The following TFAP2C variants were observed in gnomAD, a reference collection of about 807,000 sequenced individuals.
The protein encoded by TFAP2C is transcription factor AP-2 gamma.
TFAP2C carries 9 observed loss-of-function variants against 42.9 expected under a neutral mutation model. The observed-to-expected ratio is 0.21, with a 90% CI of 0.13 to 0.37. The LOEUF (loss-of-function observed/expected upper bound fraction) is 0.37. Among genes scored for constraint, TFAP2C ranks in the 10% least tolerant of loss-of-function variants. TFAP2C has a pLI of 1.00. For missense variants in TFAP2C, 462 were observed against 591.7 expected (o/e 0.78, Z 2.27); for synonymous variants, 264 against 256.0 (o/e 1.03, Z -0.30).
intron 3 of TFAP2C, 42 bp from the exon 4 acceptor site, chr20:56,633,309 CAG>C (rs1987529170): frequency 6.6e-7 from 1 of 1,521,506 alleles, no homozygotes. Flanking sequence ...CTCTTTTGCT[CAG>C]AGAGAGCTCT....
chr20:56,630,805 C>G lies in TFAP2C; in HGVS notation c.49-400C>G. On this transcript the variant is annotated intron_variant, in intron 1 of 6. Transcript: ENST00000201031. The surrounding 1 kb of genome is among the most constrained non-coding windows in gnomAD (Gnocchi z 5.1). ...GTCCCTGCGTCATGGGCGGGCTCCA[C>G]GAGATAGCTCTGCACCGGGCGTCCG... 2.0e-6 allele frequency: 2 copies of G among 985,414 alleles called. No individual in the cohort carries two copies. Among genetic ancestry groups the G allele is most frequent in the Non-Finnish European group, 2.4e-6 (2 of 829,922 alleles). The allele number at this position is 985,414 out of a possible 1,614,324, so 61.0% of individuals were successfully genotyped here. A position where few individuals can be genotyped will look rare whatever the true frequency, so the allele number is the denominator to read the frequency against.
At position 56,634,195 on chromosome 20, in the gene TFAP2C, C is replaced by T. The variant is rs763999020; in HGVS notation, c.849C>T (p.Asp283=). 1.9e-6 allele frequency: 3 copies of T among 1,614,020 alleles called. No individual in the cohort carries two copies. The highest frequency in any genetic ancestry group is 2.2e-5 in the East Asian group (1 of 44,894). The change falls in exon 5 of 7, where the codon GAC becomes GAT. Residue 283 remains aspartate, a synonymous_variant. Transcript: ENST00000201031. ...GCCGGTCCTTGCGGGAGAAGTTGGA[C>T]AAGATTGGGTTGAATCTTCCGGCCG... ...NGGRSLREKL[D]KIGLNLPAGR... is the part of the protein sequence containing the mutation.
chr20:56,638,352 ACC>A lies in TFAP2C; in HGVS notation c.*341_*342del. The A allele has an allele frequency of 4.3e-6, 1 of 232,064 alleles. No homozygotes were observed. The highest frequency in any genetic ancestry group is 8.5e-6 in the Non-Finnish European group (1 of 117,532). 14.4% of individuals were successfully genotyped at this position (232,064 alleles called of 1,614,324 possible). A position where few individuals can be genotyped will look rare whatever the true frequency, so the allele number is the denominator to read the frequency against. On this transcript the variant is annotated 3_prime_UTR_variant, in exon 7 of 7. Transcript: ENST00000201031. ...TTAAATACATTCCCTGGGCCAACAG[ACC>A]CACACACTTAGCCATTGAAATGTCA...
Position 56,630,309 on chromosome 20 carries a change from G to T in TFAP2C, c.48+717G>T, listed in dbSNP as rs1484022524. The T allele has an allele frequency of 1.2e-5, 5 of 404,344 alleles. No individual in the cohort carries two copies. The highest frequency in any genetic ancestry group is 8.4e-5 in the South Asian group (5 of 59,374). The allele number at this position is 404,344 out of a possible 1,614,324, so 25.0% of individuals were successfully genotyped here. A position where few individuals can be genotyped will look rare whatever the true frequency, so the allele number is the denominator to read the frequency against. On this transcript the variant is annotated intron_variant, in intron 1 of 6. Coordinates refer to ENST00000201031, the MANE Select transcript of TFAP2C (RefSeq NM_003222.4). This position sits in a 1 kb window ranked among gnomAD's most constrained non-coding sequence, Gnocchi z 5.1. ...GTTCACTGCGCCTCCGGGCCCTGGAGGGCTGCCCCTGCCCGCAGGCCCGGG... is the reference window on the plus strand; with the variant it reads ...GTTCACTGCGCCTCCGGGCCCTGGATGGCTGCCCCTGCCCGCAGGCCCGGG...
intron 6 of TFAP2C, 152 bp from the exon 7 acceptor site, chr20:56,637,576 G>A (rs759802406): frequency 1.7e-4 from 110 of 647,868 alleles, no homozygotes; most frequent in East Asian, 4.9e-4. Context: ...GTTGCTAAGC[G>A]CAGCAGTTGG....
intron 5 of TFAP2C, among the ~76,000 whole-genome samples, chr20:56,635,746 T>C (rs1386036200): frequency 6.6e-6 from 1 of 152,174 alleles, no homozygotes; most frequent in Non-Finnish European, 1.5e-5. Context: ...TCAAGTTTAC[T>C]CATCTCAGTA....
At position 56,630,772 on chromosome 20, in the gene TFAP2C, C is replaced by A; in HGVS notation, c.49-433C>A. ...CTATCCGCGCCTGCCGCGCTGCCAC[C>A]TCCAGCAGTCCCTGCGTCATGGGCG... On this transcript the variant is annotated intron_variant, in intron 1 of 6. Coordinates refer to ENST00000201031, the MANE Select transcript of TFAP2C (RefSeq NM_003222.4). The surrounding 1 kb of genome is among the most constrained non-coding windows in gnomAD (Gnocchi z 5.1). The A allele has an allele frequency of 1.0e-6, 1 of 985,406 alleles. No homozygotes were observed. Among genetic ancestry groups the A allele is most frequent in the Non-Finnish European group, 1.2e-6 (1 of 829,910 alleles). 61.0% of individuals were successfully genotyped at this position (985,406 alleles called of 1,614,324 possible). A position where few individuals can be genotyped will look rare whatever the true frequency, so the allele number is the denominator to read the frequency against.
Position 56,638,106 on chromosome 20 carries a change from G to C in TFAP2C, c.*93G>C. On this transcript the variant is annotated 3_prime_UTR_variant, in exon 7 of 7. Transcript: ENST00000201031. Reference sequence around the variant, plus strand: ...CAGACTGGGAACCCCTCCTGGCCTGGGGGAAGAGTTTGTTACCTACCTTAC... The same window carrying C: ...CAGACTGGGAACCCCTCCTGGCCTGCGGGAAGAGTTTGTTACCTACCTTAC... 1 of 1,208,248 alleles carries C rather than the reference G, an allele frequency of 8.3e-7. No individual in the cohort carries two copies. Among genetic ancestry groups the C allele is most frequent in the Non-Finnish European group, 1.1e-6 (1 of 876,640 alleles). 74.8% of individuals were successfully genotyped at this position (1,208,248 alleles called of 1,614,324 possible).
In TFAP2C at chr20:56,638,603, G is replaced by A. The variant is rs1987630938; in HGVS notation, c.*590G>A. On this transcript the variant is annotated 3_prime_UTR_variant, in exon 7 of 7. Coordinates refer to ENST00000201031, the MANE Select transcript of TFAP2C (RefSeq NM_003222.4). ...CTCTAAACCCCGTGTTCAAACGGGG[G>A]CCTTCTGGTTTTAGGAAACTTGTAG... 1 of 151,628 alleles carries A rather than the reference G, an allele frequency of 6.6e-6. No homozygotes were observed. Among genetic ancestry groups the A allele is most frequent in the East Asian group, 1.9e-4 (1 of 5,156 alleles). 9.4% of individuals were successfully genotyped at this position (151,628 alleles called of 1,614,324 possible). A position where few individuals can be genotyped will look rare whatever the true frequency, so the allele number is the denominator to read the frequency against.
chr20:56,631,386 C>G lies in TFAP2C; in HGVS notation c.230C>G (p.Ser77Trp). The G allele has an allele frequency of 6.2e-7, 1 of 1,611,100 alleles. No individual in the cohort carries two copies. Among genetic ancestry groups the G allele is most frequent in the Non-Finnish European group, 8.5e-7 (1 of 1,179,150 alleles). ...LAYSQSADPYSHLGEAYAAAI... is the reference protein window; with the variant it reads ...LAYSQSADPYWHLGEAYAAAI... ...TACTCCCAGTCGGCCGACCCCTACT[C>G]GCATCTGGGGGAAGCGTACGCCGCC... is the stretch of plus-strand genomic sequence containing the variant. Residue 77 changes from serine to tryptophan, a missense_variant, in exon 2 of 7, where the codon TCG (serine) becomes TGG (tryptophan). Ser to Trp is a radical substitution (Grantham distance 177). This residue lies in a region of TFAP2C where 271 missense variants were observed against 269.7 expected (regional missense o/e 1.00). Transcript: ENST00000201031. The surrounding 1 kb of genome is among the most constrained non-coding windows in gnomAD (Gnocchi z 6.1).
intron 3 of TFAP2C, among the ~76,000 whole-genome samples, chr20:56,632,393 A>G (rs1034228243): frequency 3.0e-4 from 45 of 152,172 alleles, no homozygotes; most frequent in Admixed American, 2.9e-3. Context: ...AGAGTTTTGC[A>G]GGATGGGGAG....
chr20:56,634,942 A>G (rs2146448537), intron 5 of TFAP2C, among the ~76,000 whole-genome samples: 1 of 152,330 alleles, frequency 6.6e-6, no homozygotes, highest in Middle Eastern at 3.4e-3. Context: ...AAGGGAAAGT[A>G]AAATAATTTT....
chr20:56,635,749 T>A (rs557429745), intron 5 of TFAP2C, among the ~76,000 whole-genome samples: 3 of 152,186 alleles, frequency 2.0e-5, no homozygotes, highest in African/African-American at 7.2e-5. Flanking sequence ...AGTTTACTCA[T>A]CTCAGTATCC....
Position 56,631,161 on chromosome 20 carries a change from G to A in TFAP2C, c.49-44G>A. Reference sequence around the variant, plus strand: ...GATGCCGGCCAGTTCGCAGTAGCGGGGTTTCGCACTAACGGGGTCTCCTGT... The same window carrying A: ...GATGCCGGCCAGTTCGCAGTAGCGGAGTTTCGCACTAACGGGGTCTCCTGT... On this transcript the variant is annotated intron_variant, in intron 1 of 6. Transcript: ENST00000201031. This position sits in a 1 kb window ranked among gnomAD's most constrained non-coding sequence, Gnocchi z 6.1. 2.0e-6 allele frequency: 3 copies of A among 1,479,122 alleles called. No homozygotes were observed. Among genetic ancestry groups the A allele is most frequent in the Middle Eastern group, 2.3e-4 (1 of 4,432 alleles). 91.6% of individuals were successfully genotyped at this position (1,479,122 alleles called of 1,614,324 possible).
Position 56,630,791 on chromosome 20 carries a change from A to C in TFAP2C, c.49-414A>C, listed in dbSNP as rs537341326. 1.0e-6 allele frequency: 1 copy of C among 985,210 alleles called. No individual in the cohort carries two copies. The highest frequency in any genetic ancestry group is 1.7e-5 in the African/African-American group (1 of 57,288). 61.0% of individuals were successfully genotyped at this position (985,210 alleles called of 1,614,324 possible). On this transcript the variant is annotated intron_variant, in intron 1 of 6. Transcript: ENST00000201031. This position sits in a 1 kb window ranked among gnomAD's most constrained non-coding sequence, Gnocchi z 5.1. The stretch of plus-strand genomic sequence containing the variant: ...TGCCACCTCCAGCAGTCCCTGCGTC[A>C]TGGGCGGGCTCCACGAGATAGCTCT...
chr20:56,631,259 G>T lies in TFAP2C; in HGVS notation c.103G>T (p.Ala35Ser). The T allele has an allele frequency of 6.3e-7, 1 of 1,580,628 alleles. No homozygotes were observed. The highest frequency in any genetic ancestry group is 2.4e-5 in the East Asian group (1 of 41,076). The change falls in exon 2 of 7, where the codon GCC becomes TCC. Residue 35 changes from alanine (A) to serine (S), a missense_variant. By Grantham distance (99) the Ala-to-Ser change is moderately conservative (BLOSUM62 1). Transcript: ENST00000201031. This position sits in a 1 kb window ranked among gnomAD's most constrained non-coding sequence, Gnocchi z 6.1. ...TCCGCGGGTCCCCCACCTCTCCTCC[G>T]CCGGGCAGCACCTCTACAGCCCCGC... ...GNPRVPHLSS[A>S]GQHLYSPAPP...
intron 6 of TFAP2C, 40 bp from the exon 7 acceptor site, chr20:56,637,688 G>C: frequency 6.2e-7 from 1 of 1,604,232 alleles, no homozygotes; most frequent in Non-Finnish European, 8.5e-7. Context: ...CCTGTAAGGA[G>C]CTAGATGGAA....
chr20:56,637,456 C>T (rs966526569), intron 6 of TFAP2C, among the ~76,000 whole-genome samples: 1 of 152,192 alleles, frequency 6.6e-6, no homozygotes, highest in African/African-American at 2.4e-5. Context: ...TCCTGGTGAC[C>T]TTGGCCAGTT....
intron 5 of TFAP2C, among the ~76,000 whole-genome samples, chr20:56,635,565 AAAGT>A (rs756567649): frequency 5.3e-5 from 8 of 152,188 alleles, no homozygotes; most frequent in Admixed American, 2.0e-4. Flanking sequence ...TATTAAAAAA[AAAGT>A]AAGCTGTCAG....
Sources: allele counts gnomAD v4.1 joint callset (sites outside exome capture counted in the v4.1 genomes callset), GRCh38; gene constraint gnomAD v4.1.1; regional missense constraint gnomAD v4.1.1; non-coding constraint Gnocchi (gnomAD v3.1); transcripts MANE v1.5; gene names NCBI Gene and HGNC (gene_info 2026-07-23, HGNC 2026-07-21).